DCTD: variants seen among roughly 807,000 people sequenced by gnomAD.
The protein encoded by DCTD is deoxycytidylate deaminase.
DCTD carries 23 observed loss-of-function variants against 21.0 expected under a neutral mutation model. That is an observed-to-expected ratio of 1.09 (90% CI 0.79 to 1.55). The LOEUF is 1.55. Ranked by LOEUF, DCTD falls within the 40% of genes most tolerant of loss-of-function variation. DCTD has a pLI of 0.00. For missense variants in DCTD, 224 were observed against 230.0 expected (o/e 0.97, Z 0.17); for synonymous variants, 71 against 81.1 (o/e 0.88, Z 0.67).
intron 3 of DCTD, among the ~76,000 whole-genome samples, chr4:182,907,150 T>C (rs902908580): frequency 9.9e-5 from 15 of 152,238 alleles, no homozygotes; most frequent in Non-Finnish European, 2.9e-5. Context: ...CTTAATTTTT[T>C]TGAGACAGGG....
intron 1 of DCTD, chr4:182,916,454 C>G: frequency 1.0e-6 from 1 of 985,604 alleles, no homozygotes. Context: ...GGAATGTGGT[C>G]TAAAGGAAGG....
intron 4 of DCTD, among the ~76,000 whole-genome samples, chr4:182,893,559 C>T (rs1399640397): frequency 6.6e-6 from 1 of 152,236 alleles, no homozygotes; most frequent in African/African-American, 2.4e-5. Flanking sequence ...CAAACCAGCT[C>T]TACAGAGGGC....
chr4:182,916,765 G>C, intron 1 of DCTD: 1 of 1,120,334 alleles, frequency 8.9e-7, no homozygotes. Flanking sequence ...GGCGAGGGAA[G>C]AGCAGGAGAG....
At chr4:182,902,493 G>A (rs557378217) in intron 3 of DCTD, among the ~76,000 whole-genome samples, 23 of 152,094 alleles carry the variant, frequency 1.5e-4, no homozygotes, top group Non-Finnish European at 2.8e-4. Context: ...CTTGCTCCCC[G>A]CCCCTCTCCT....
intron 3 of DCTD, among the ~76,000 whole-genome samples, chr4:182,913,968 T>TTTTTC (rs890392254): frequency 1.3e-5 from 2 of 151,104 alleles, no homozygotes; most frequent in African/African-American, 4.8e-5. Flanking sequence ...CACTTCTAGC[T>TTTTTC]TTTTCTTTTC....
intron 1 of DCTD, chr4:182,916,331 G>A (rs1323572008): frequency 1.0e-6 from 1 of 968,338 alleles, no homozygotes; most frequent in African/African-American, 1.8e-5. Flanking sequence ...CCCACGAAGG[G>A]GGTCCTAGGA....
intron 3 of DCTD, 72 bp downstream of exon 3, chr4:182,914,851 T>C (rs1222222632): frequency 1.0e-5 from 16 of 1,574,336 alleles, no homozygotes; most frequent in African/African-American, 1.4e-5. Flanking sequence ...TGATGCCTTC[T>C]GACCAACTTT....
intron 3 of DCTD, among the ~76,000 whole-genome samples, chr4:182,908,454 G>A (rs1211528332): frequency 1.3e-5 from 2 of 152,106 alleles, no homozygotes; most frequent in Admixed American, 6.5e-5. Context: ...GGCTGAGGCG[G>A]GTGGATCACC....
intron 3 of DCTD, among the ~76,000 whole-genome samples, chr4:182,914,362 G>A (rs983398664): frequency 5.3e-5 from 8 of 152,230 alleles, no homozygotes; most frequent in African/African-American, 9.6e-5. Flanking sequence ...AGCATCCCCT[G>A]TAACTGGAGG....
chr4:182,915,053 G>A lies in DCTD; in HGVS notation c.114C>T (p.Gly38=), dbSNP rs35431896. 4.7e-3 allele frequency: 7,531 copies of A among 1,614,204 alleles called. 35 individuals are homozygous for A. The highest frequency in any genetic ancestry group is 5.2e-3 in the Non-Finnish European group (6,122 of 1,180,022). Residue 38 remains glycine, a synonymous_variant, in exon 3 of 6, where the codon GGC becomes GGT. Transcript: ENST00000438320. ...TGTTTTCTGAATTCACGATGCAGGC[G>A]CCGACCTAGAAGGAAACATGCCCAA... ...QRSKDPNSQV[G]ACIVNSENKI...
rs550860570 is a variant in DCTD at position 182,891,867 on chromosome 4, T to C, written c.459-390A>G. On this transcript the variant is annotated intron_variant, in intron 5 of 5. Transcript: ENST00000438320. The stretch of plus-strand genomic sequence containing the variant: ...TCTAATGCAAAAAAATAGTAAATTT[T>C]CTTTTGCCGCTTATATATAGCAAAA... 2.0e-5 allele frequency among the ~76,000 whole-genome samples: 3 copies of C among 152,264 alleles called. No homozygotes were observed. The South Asian group carries it at 6.2e-4, about 32-fold the overall frequency.
intron 1 of DCTD, chr4:182,916,156 C>A (rs1422932866): frequency 6.0e-6 from 1 of 167,638 alleles, no homozygotes; most frequent in Admixed American, 6.5e-5. Context: ...GATAATTTTT[C>A]CCTTCCCTTT....
At position 182,900,607 on chromosome 4, in the gene DCTD, AAAG is replaced by A. The variant is rs1735552372; in HGVS notation, c.245-6005_245-6003del. On this transcript the variant is annotated intron_variant, in intron 3 of 5. Coordinates refer to ENST00000438320, the MANE Select transcript of DCTD (RefSeq NM_001921.3). ...AAGTTAGTCTAAATTGTAAAAAAAAAAAGAAAAAAAGATAAAATGTTCAACCTA... is the reference window on the plus strand; with the variant it reads ...AAGTTAGTCTAAATTGTAAAAAAAAAAAAAAAAGATAAAATGTTCAACCTA... 4.6e-5 allele frequency among the ~76,000 whole-genome samples: 7 copies of A among 152,230 alleles called. 2 individuals carry two copies. Among genetic ancestry groups the A allele is most frequent in the Admixed American group, 3.9e-4 (6 of 15,294 alleles).
chr4:182,909,948 C>A (rs1031819110), intron 3 of DCTD, among the ~76,000 whole-genome samples: 4 of 152,228 alleles, frequency 2.6e-5, no homozygotes, highest in African/African-American at 9.6e-5. Flanking sequence ...TGAACTCTTT[C>A]GCCTTAATTA....
chr4:182,917,307 C>T lies in DCTD; in HGVS notation c.-8+4G>A. On this transcript the variant is annotated splice_donor_region_variant and intron_variant, in intron 1 of 5. Coordinates refer to ENST00000438320, the MANE Select transcript of DCTD (RefSeq NM_001921.3). This position sits in a 1 kb window ranked among gnomAD's most constrained non-coding sequence, Gnocchi z 4.9. ...GCGTACCCGCACGGCTGGCCCCCGC[C>T]CACCATCCGGTGCCGGCTCCGCGCG... 1.2e-5 allele frequency: 13 copies of T among 1,083,476 alleles called. No homozygotes were observed. Among genetic ancestry groups the T allele is most frequent in the Non-Finnish European group, 1.5e-5 (13 of 894,520 alleles). 67.1% of individuals were successfully genotyped at this position (1,083,476 alleles called of 1,614,324 possible).
intron 1 of DCTD, chr4:182,916,486 G>C: frequency 1.0e-6 from 1 of 985,626 alleles, no homozygotes; most frequent in Non-Finnish European, 1.2e-6. Flanking sequence ...CAAAACTTCT[G>C]CTTCAGGCTC....
chr4:182,916,804 C>T, intron 1 of DCTD: 1 of 1,114,428 alleles, frequency 9.0e-7, no homozygotes, highest in Non-Finnish European at 1.1e-6. Context: ...CCCTGGGCGC[C>T]TTCTCCTGGT....
intron 3 of DCTD, among the ~76,000 whole-genome samples, chr4:182,913,871 T>C (rs13119957): frequency 0.063 from 9,538 of 152,292 alleles, 356 homozygotes; most frequent in South Asian, 0.1. Context: ...CCCTGGGGCT[T>C]AGACAGGCAA....
intron 3 of DCTD, among the ~76,000 whole-genome samples, chr4:182,914,401 T>G (rs974282780): frequency 6.6e-6 from 1 of 152,224 alleles, no homozygotes; most frequent in African/African-American, 2.4e-5. Flanking sequence ...TCTCCTGATG[T>G]CTAGTTCACA....
Sources: gnomAD v4.1 joint callset for allele counts (sites outside exome capture counted in the v4.1 genomes callset) on GRCh38, gnomAD v4.1.1 for gene constraint, Gnocchi (gnomAD v3.1) non-coding constraint, MANE v1.5 for transcripts, NCBI Gene and HGNC (gene_info 2026-07-23, HGNC 2026-07-21) for gene names.